Variants in FANCD2OS observed in about 807,000 individuals in gnomAD.
FANCD2OS encodes the protein FANCD2 opposite strand protein.
In FANCD2OS, 11 loss-of-function variants were observed where a neutral mutation model predicts 13.2. That is an observed-to-expected ratio of 0.83 (90% CI 0.52 to 1.38). The LOEUF (loss-of-function observed/expected upper bound fraction) is 1.38. FANCD2OS is among the 40% of genes most tolerant of loss of function. The pLI, the probability that FANCD2OS is intolerant of heterozygous loss-of-function variation, is 0.00. For missense variants in FANCD2OS, 217 were observed against 213.9 expected (o/e 1.01, Z -0.09); for synonymous variants, 69 against 84.5 (o/e 0.82, Z 1.01).
chr3:10,095,878 A>ATTTTTT (rs397950663), intron 2 of FANCD2OS, among the ~76,000 whole-genome samples: 8 of 125,770 alleles, frequency 6.4e-5, no homozygotes, highest in African/African-American at 1.5e-4. Context: ...CTGAACAGTG[A>ATTTTTT]TTTTTTTTTT....
At chr3:10,087,281 CTTTTTTTTT>C in intron 2 of FANCD2OS, 1 of 1,310,516 alleles carries the variant, frequency 7.6e-7, no homozygotes, top group Non-Finnish European at 1.0e-6. Flanking sequence ...GGCCTAGATC[CTTTTTTTTT>C]TTTTTTTTTT....
At chr3:10,104,909 C>A in intron 1 of FANCD2OS, 127 bp from the exon 2 acceptor site, 1 of 648,580 alleles carries the variant, frequency 1.5e-6, no homozygotes, top group Non-Finnish European at 2.4e-6. Flanking sequence ...GAATAGATTC[C>A]AACAGGTGTT....
intron 2 of FANCD2OS, chr3:10,095,264 G>A: frequency 1.2e-6 from 2 of 1,614,040 alleles, no homozygotes; most frequent in Non-Finnish European, 1.7e-6. Flanking sequence ...CACCTGTGTG[G>A]GCATTCCAAG....
At chr3:10,095,152 A>C (rs1241953006) in intron 2 of FANCD2OS, 1 of 1,498,220 alleles carries the variant, frequency 6.7e-7, no homozygotes, top group Admixed American at 1.7e-5. Flanking sequence ...TGAATCTAAA[A>C]TGAAATCAGG....
downstream of FANCD2OS, among the ~76,000 whole-genome samples, chr3:10,103,690 C>T (rs1383170627): frequency 6.6e-6 from 1 of 152,224 alleles, no homozygotes; most frequent in African/African-American, 2.4e-5. Flanking sequence ...CTACCAAGTT[C>T]TTTCTTGCCA....
downstream of FANCD2OS, among the ~76,000 whole-genome samples, chr3:10,098,430 CGACTTA>C (rs543291109): frequency 4.1e-4 from 62 of 152,176 alleles, no homozygotes; most frequent in Non-Finnish European, 6.3e-4. Flanking sequence ...TGTTCAGCAT[CGACTTA>C]GAGTCACCAA....
chr3:10,085,655 G>T, intron 2 of FANCD2OS: 1 of 654,846 alleles, frequency 1.5e-6, no homozygotes, highest in South Asian at 1.4e-5. Context: ...CTCCCGAAGT[G>T]CTGGGATTAC....
chr3:10,083,528 C>T (rs1225674874), intron 2 of FANCD2OS: 1 of 152,070 alleles, frequency 6.6e-6, no homozygotes. Flanking sequence ...TCTTAAAAAG[C>T]TAGACATGCA....
intron 2 of FANCD2OS, among the ~76,000 whole-genome samples, chr3:10,086,430 A>G (rs1694206480): frequency 3.3e-5 from 5 of 152,046 alleles, no homozygotes; most frequent in Non-Finnish European, 7.4e-5. Flanking sequence ...TTGGTAACCT[A>G]GACCATCACT....
chr3:10,103,981 G>T lies in FANCD2OS; in HGVS notation c.*260C>A. 2 of 448,286 alleles carry T rather than the reference G, an allele frequency of 4.5e-6. No individual in the cohort carries two copies. The highest frequency in any genetic ancestry group is 3.9e-5 in the East Asian group (1 of 25,834). 27.8% of individuals were successfully genotyped at this position (448,286 alleles called of 1,614,324 possible). ...CATTGGTTTATATCATTTGTTTAAC[G>T]GTTATCACATGGACATGTCAATGCT... is the stretch of plus-strand genomic sequence containing the variant. On this transcript the variant is annotated 3_prime_UTR_variant, in exon 2 of 2. Transcript: ENST00000450660.
intron 2 of FANCD2OS, among the ~76,000 whole-genome samples, chr3:10,084,181 A>G (rs1474491303): frequency 1.3e-5 from 2 of 151,634 alleles, no homozygotes; most frequent in African/African-American, 4.8e-5. Context: ...TTTAGTAGAG[A>G]CGGGGTTTCA....
chr3:10,098,653 C>T, downstream of FANCD2OS: 2 of 1,580,476 alleles, frequency 1.3e-6, no homozygotes, highest in South Asian at 1.1e-5. Flanking sequence ...GTAAACTCAA[C>T]CTTCTCCCCT....
chr3:10,105,749 T>TAAAAA (rs142496934), intron 1 of FANCD2OS, among the ~76,000 whole-genome samples: 4 of 22,268 alleles, frequency 1.8e-4, no homozygotes, highest in African/African-American at 9.1e-4. Flanking sequence ...AGACTCCATC[T>TAAAAA]AAAAAAAAAA....
At chr3:10,090,004 A>C (rs1004005322) in intron 2 of FANCD2OS, among the ~76,000 whole-genome samples, 4 of 152,234 alleles carry the variant, frequency 2.6e-5, no homozygotes, top group Non-Finnish European at 5.9e-5. Context: ...CGTGCAATAA[A>C]ATAAACATAG....
At chr3:10,089,747 C>A (rs1487120804) in intron 2 of FANCD2OS, among the ~76,000 whole-genome samples, 1 of 152,206 alleles carries the variant, frequency 6.6e-6, no homozygotes, top group East Asian at 1.9e-4. Context: ...GGATTACAGG[C>A]ATGAGCCATT....
chr3:10,099,220 C>T (rs923407674), downstream of FANCD2OS: 3 of 1,351,300 alleles, frequency 2.2e-6, no homozygotes, highest in Admixed American at 9.5e-5. Flanking sequence ...TTGGTGAAAG[C>T]CAAAGCACAG....
chr3:10,088,552 T>G, intron 2 of FANCD2OS: 3 of 1,577,424 alleles, frequency 1.9e-6, no homozygotes, highest in Non-Finnish European at 2.6e-6. Context: ...GGTGAGATGT[T>G]TGGTTTCTTC....
In FANCD2OS at chr3:10,104,149, TCA is replaced by T. The variant is rs1695401975; in HGVS notation, c.*90_*91del. 3 of 1,183,364 alleles carry T rather than the reference TCA, an allele frequency of 2.5e-6. No homozygotes were observed. The highest frequency in any genetic ancestry group is 3.5e-6 in the Non-Finnish European group (3 of 852,500). The allele number at this position is 1,183,364 out of a possible 1,614,324, so 73.3% of individuals were successfully genotyped here. ...CAAAAGCAAGATGGCTGGGACAATGTCACAGTTTCATTTACATGGACAGGTTT... is the reference window on the plus strand; with the variant it reads ...CAAAAGCAAGATGGCTGGGACAATGTCAGTTTCATTTACATGGACAGGTTT... On this transcript the variant is annotated 3_prime_UTR_variant, in exon 2 of 2. Transcript: ENST00000450660.
downstream of FANCD2OS, chr3:10,098,626 C>T (rs1272779006): frequency 6.8e-7 from 1 of 1,477,898 alleles, no homozygotes; most frequent in Non-Finnish European, 9.2e-7. Flanking sequence ...GCTAAAATAT[C>T]TTCCTTTGTA....
Sources: gnomAD v4.1 joint callset for allele counts (sites outside exome capture counted in the v4.1 genomes callset) on GRCh38, gnomAD v4.1.1 for gene constraint, MANE v1.5 for transcripts, NCBI Gene and HGNC (gene_info 2026-07-23, HGNC 2026-07-21) for gene names.